SNX4: variants seen among roughly 807,000 people sequenced by gnomAD.
The protein encoded by SNX4 is sorting nexin 4, also known as sorting nexin-4.
SNX4 carries 49 observed loss-of-function variants against 70.8 expected under a neutral mutation model. That is an observed-to-expected ratio of 0.69 (90% CI 0.55 to 0.88). The LOEUF (loss-of-function observed/expected upper bound fraction) is 0.88. SNX4 is among the 40% of genes least tolerant of loss of function. SNX4 has a pLI of 0.00. For synonymous variants in SNX4, 206 were observed against 183.8 expected (o/e 1.12, Z -0.98); for missense variants, 528 against 544.8 (o/e 0.97, Z 0.31).
At chr3:125,497,284 T>A (rs1934816788) in intron 5 of SNX4, 57 bp downstream of exon 5, 1 of 1,078,582 alleles carries the variant, frequency 9.3e-7, no homozygotes, top group Admixed American at 2.0e-5. Flanking sequence ...AATGAGTGCA[T>A]GGCACCATGC....
intron 12 of SNX4, among the ~76,000 whole-genome samples, chr3:125,452,721 C>A (rs1933606587): frequency 6.6e-6 from 1 of 152,084 alleles, no homozygotes; most frequent in South Asian, 2.1e-4. Flanking sequence ...AGGTTCACAC[C>A]ATTCTCCTGC....
intron 10 of SNX4, among the ~76,000 whole-genome samples, chr3:125,458,720 A>T (rs1933791994): frequency 6.8e-6 from 1 of 146,314 alleles, no homozygotes; most frequent in Admixed American, 7.1e-5. Context: ...AGGCTGAAGC[A>T]GGAGAATGGC....
intron 8 of SNX4, among the ~76,000 whole-genome samples, chr3:125,472,820 T>C (rs1934207085): frequency 6.6e-6 from 1 of 152,046 alleles, no homozygotes; most frequent in Non-Finnish European, 1.5e-5. Context: ...TCAAAAAAGA[T>C]ACCTACTTCA....
At chr3:125,494,684 A>G (rs1369090013) in intron 5 of SNX4, among the ~76,000 whole-genome samples, 1 of 152,204 alleles carries the variant, frequency 6.6e-6, no homozygotes, top group East Asian at 1.9e-4. Context: ...GGATGAATTC[A>G]GTATTTTGAA....
chr3:125,500,888 T>A (rs1934914497), intron 2 of SNX4, among the ~76,000 whole-genome samples: 1 of 111,272 alleles, frequency 9.0e-6, no homozygotes, highest in South Asian at 2.9e-4. Context: ...GGTGGCTAAT[T>A]TACAAAAAAA....
At chr3:125,480,809 G>C (rs1934393964) in intron 6 of SNX4, among the ~76,000 whole-genome samples, 1 of 152,008 alleles carries the variant, frequency 6.6e-6, no homozygotes, top group African/African-American at 2.4e-5. Flanking sequence ...CATCAGATGG[G>C]AACGACTCCC....
intron 6 of SNX4, among the ~76,000 whole-genome samples, chr3:125,485,770 A>G (rs980315567): frequency 6.6e-6 from 1 of 152,194 alleles, no homozygotes; most frequent in African/African-American, 2.4e-5. Context: ...GTGAGAAATC[A>G]TAAATGACAG....
chr3:125,491,831 G>A (rs947235918), intron 5 of SNX4, among the ~76,000 whole-genome samples: 6 of 152,092 alleles, frequency 3.9e-5, no homozygotes, highest in African/African-American at 9.7e-5. Context: ...GCCATAAGCC[G>A]GGCACGGTGG....
intron 11 of SNX4, among the ~76,000 whole-genome samples, chr3:125,455,741 C>T (rs1351928144): frequency 2.6e-5 from 4 of 152,206 alleles, no homozygotes; most frequent in South Asian, 2.1e-4. Flanking sequence ...TGGCCAGGCG[C>T]GCTGGCTCAT....
At chr3:125,485,981 C>G (rs1394932168) in intron 6 of SNX4, among the ~76,000 whole-genome samples, 1 of 152,170 alleles carries the variant, frequency 6.6e-6, no homozygotes, top group African/African-American at 2.4e-5. Context: ...GCTGGGATTA[C>G]AGGTGTGCCC....
In SNX4 at chr3:125,457,324, T is replaced by G; in HGVS notation, c.986A>C (p.Glu329Ala). ...GGATGCTAAGTCCTGAGCAGCCATC[T>G]CCAAGTCATACTGCATAAGTTCATG... ...RKHELMQYDL[E>A]MAAQDLASKK... Residue 329 changes from glutamate (E) to alanine (A), a missense_variant, in exon 11 of 14, where the codon GAG becomes GCG. By Grantham distance (107) the Glu-to-Ala change is moderately radical. Coordinates refer to ENST00000251775, the MANE Select transcript of SNX4 (RefSeq NM_003794.4). 2 of 1,614,010 alleles carry G rather than the reference T, an allele frequency of 1.2e-6. No homozygotes were observed. The highest frequency in any genetic ancestry group is 1.7e-6 in the Non-Finnish European group (2 of 1,179,918).
At chr3:125,457,867 T>G (rs576294558) in intron 10 of SNX4, among the ~76,000 whole-genome samples, 1 of 151,650 alleles carries the variant, frequency 6.6e-6, no homozygotes, top group Non-Finnish European at 1.5e-5. Flanking sequence ...ATGAGCCACC[T>G]GTACCCGGCC....
rs530662240 is a variant in SNX4, at chr3:125,457,784, C to T, written c.945-419G>A. Among the ~76,000 whole-genome samples, 15 of 152,080 alleles carry T rather than the reference C, an allele frequency of 9.9e-5. No individual in the cohort carries two copies. The South Asian group carries it at 2.7e-3, about 27-fold the overall frequency. ...TAGAGATGGGAATTCTCCATATTGG[C>T]CAGGCTGGTCTCAAACTGCTGACCT... On this transcript the variant is annotated intron_variant, in intron 10 of 13. Coordinates refer to ENST00000251775, the MANE Select transcript of SNX4 (RefSeq NM_003794.4).
In SNX4 at chr3:125,456,950, C is replaced by T. The variant is rs371900057; in HGVS notation, c.1044+316G>A. Among the ~76,000 whole-genome samples, 23 of 146,924 alleles carry T rather than the reference C, an allele frequency of 1.6e-4. 1 individual carries two copies. In the South Asian group the frequency reaches 2.8e-3, roughly 18 times the overall value. Reference sequence around the variant, plus strand: ...TGCTGGGATTACAGGTGTGAGCCACCGTGCCCAGCCCAATAATTTTTTTTT... The same window carrying T: ...TGCTGGGATTACAGGTGTGAGCCACTGTGCCCAGCCCAATAATTTTTTTTT... On this transcript the variant is annotated intron_variant, in intron 11 of 13. Coordinates refer to ENST00000251775, the MANE Select transcript of SNX4 (RefSeq NM_003794.4).
At chr3:125,501,321 C>CA (rs11391479) in intron 2 of SNX4, among the ~76,000 whole-genome samples, 83,759 of 151,860 alleles carry the variant, frequency 0.55, 24,719 homozygotes, top group African/African-American at 0.78. Flanking sequence ...AGACAACAAT[C>CA]AAAATCATGG....
At chr3:125,494,899 T>C (rs1934748255) in intron 5 of SNX4, among the ~76,000 whole-genome samples, 1 of 152,174 alleles carries the variant, frequency 6.6e-6, no homozygotes, top group South Asian at 2.1e-4. Flanking sequence ...CATTCTGCGA[T>C]GTGTGACTCA....
chr3:125,510,786 T>G (rs1203887850), intron 1 of SNX4, among the ~76,000 whole-genome samples: 2 of 152,152 alleles, frequency 1.3e-5, no homozygotes, highest in Non-Finnish European at 2.9e-5. Context: ...TAGCTGTGGT[T>G]TAACAGGTAC....
intron 2 of SNX4, 27 bp from the exon 3 acceptor site, chr3:125,498,221 T>A (rs540786824): frequency 1.3e-6 from 2 of 1,590,768 alleles, no homozygotes; most frequent in East Asian, 2.2e-5. Flanking sequence ...CAACACTTGT[T>A]ATTTTTTATA....
intron 1 of SNX4, among the ~76,000 whole-genome samples, chr3:125,515,664 CA>C (rs3030895): frequency 0.091 from 9,275 of 102,370 alleles, 637 homozygotes; most frequent in African/African-American, 0.24. Context: ...GACTTGGCCT[CA>C]AAAAAAAAAA....
Sources: allele counts gnomAD v4.1 joint callset (sites outside exome capture counted in the v4.1 genomes callset), GRCh38; gene constraint gnomAD v4.1.1; transcripts MANE v1.5; gene names NCBI Gene and HGNC (gene_info 2026-07-23, HGNC 2026-07-21).